Variants in ANGPT1 observed in about 807,000 individuals in gnomAD.
The protein encoded by ANGPT1 is angiopoietin-1.
Under a neutral mutation model 62.2 loss-of-function variants are expected in ANGPT1, and 17 were observed. The ratio of observed to expected loss-of-function variants is 0.27; its 90% confidence interval spans 0.19 to 0.41. The LOEUF (loss-of-function observed/expected upper bound fraction) is 0.41, where lower values mean the gene tolerates loss of function less well. Among genes scored for constraint, ANGPT1 ranks in the 10% least tolerant of loss-of-function variants. The pLI, the probability that ANGPT1 is intolerant of heterozygous loss-of-function variation, is 1.00. For synonymous variants in ANGPT1, 199 were observed against 198.9 expected (o/e 1.00, Z 0.00); for missense variants, 478 against 594.9 (o/e 0.80, Z 2.04).
intron 8 of ANGPT1, among the ~76,000 whole-genome samples, chr8:107,252,323 C>T (rs1034084361): frequency 6.6e-6 from 1 of 152,114 alleles, no homozygotes; most frequent in South Asian, 2.1e-4. Context: ...ATACAATCTA[C>T]ATAAGAGATG....
At chr8:107,433,557 T>C (rs943000799) in intron 1 of ANGPT1, among the ~76,000 whole-genome samples, 1 of 152,180 alleles carries the variant, frequency 6.6e-6, no homozygotes, top group African/African-American at 2.4e-5. Context: ...TGGGCAGCAT[T>C]TTCCTCATCT....
At chr8:107,310,067 TTTAAA>T (rs1336052706) in intron 4 of ANGPT1, among the ~76,000 whole-genome samples, 4 of 152,164 alleles carry the variant, frequency 2.6e-5, no homozygotes. Context: ...TTTGCTCTCA[TTTAAA>T]TTATTTATAT....
intron 1 of ANGPT1, among the ~76,000 whole-genome samples, chr8:107,410,046 C>A (rs2130353461): frequency 6.6e-6 from 1 of 152,246 alleles, no homozygotes; most frequent in African/African-American, 2.4e-5. Context: ...TTATGCCAGA[C>A]CCAGGGGGAA....
intron 1 of ANGPT1, among the ~76,000 whole-genome samples, chr8:107,495,864 C>T: frequency 6.6e-6 from 1 of 152,096 alleles, no homozygotes; most frequent in East Asian, 1.9e-4. Flanking sequence ...ATTCTTCTGC[C>T]TACCTACTGA....
At chr8:107,407,705 GGTTT>G (rs1284765036) in intron 1 of ANGPT1, among the ~76,000 whole-genome samples, 1 of 152,152 alleles carries the variant, frequency 6.6e-6, no homozygotes, top group African/African-American at 2.4e-5. Flanking sequence ...TTGATCACTT[GGTTT>G]GTTTTTCTTT....
chr8:107,488,081 GTACTC>G (rs1812860555), intron 1 of ANGPT1, among the ~76,000 whole-genome samples: 1 of 152,126 alleles, frequency 6.6e-6, no homozygotes, highest in African/African-American at 2.4e-5. Context: ...TTAACCAAGA[GTACTC>G]TATTATCTTA....
At chr8:107,304,542 T>C (rs530423410) in intron 4 of ANGPT1, among the ~76,000 whole-genome samples, 1 of 151,896 alleles carries the variant, frequency 6.6e-6, no homozygotes, top group East Asian at 1.9e-4. Context: ...TTTTAAATGA[T>C]CTAAAAATCT....
chr8:107,277,429 T>G (rs1173933362), intron 7 of ANGPT1, among the ~76,000 whole-genome samples: 14 of 152,170 alleles, frequency 9.2e-5, no homozygotes, highest in Non-Finnish European at 1.9e-4. Flanking sequence ...TTATTTATAA[T>G]AATATAACAC....
At chr8:107,342,493 A>G (rs1209227032) in intron 2 of ANGPT1, among the ~76,000 whole-genome samples, 1 of 152,120 alleles carries the variant, frequency 6.6e-6, no homozygotes, top group Admixed American at 6.6e-5. Flanking sequence ...TTGTGTAACA[A>G]TTTAGCTCCA....
At chr8:107,396,517 CTTTTTTT>C (rs10686360) in intron 1 of ANGPT1, among the ~76,000 whole-genome samples, 5 of 84,860 alleles carry the variant, frequency 5.9e-5, no homozygotes, top group South Asian at 5.1e-4. Flanking sequence ...TCTTTTCTCT[CTTTTTTT>C]TTTTTTTTTT....
At chr8:107,434,616 A>AAACTTCAAT (rs3036568) in intron 1 of ANGPT1, among the ~76,000 whole-genome samples, 60,415 of 151,440 alleles carry the variant, frequency 0.4, 12,318 homozygotes, top group Middle Eastern at 0.5. Flanking sequence ...AAAAAATACT[A>AAACTTCAAT]AACTTCAATA....
intron 1 of ANGPT1, among the ~76,000 whole-genome samples, chr8:107,429,703 T>C (rs1252562871): frequency 6.6e-6 from 1 of 151,210 alleles, no homozygotes. Flanking sequence ...AACTAGTTAG[T>C]TTTTGGATTG....
intron 2 of ANGPT1, among the ~76,000 whole-genome samples, chr8:107,341,757 A>G (rs1815700739): frequency 6.6e-6 from 1 of 151,942 alleles, no homozygotes. Flanking sequence ...CTGTGGGTAG[A>G]AATAACTCTC....
At chr8:107,387,530 G>A (rs1427431718) in intron 1 of ANGPT1, among the ~76,000 whole-genome samples, 1 of 151,894 alleles carries the variant, frequency 6.6e-6, no homozygotes, top group Non-Finnish European at 1.5e-5. Flanking sequence ...TATTACCAAT[G>A]GTACAATAGA....
At position 107,408,136 on chromosome 8, in the gene ANGPT1, C is replaced by T. The variant is rs191915952; in HGVS notation, c.298-61039G>A. Among the ~76,000 whole-genome samples, 577 of 152,260 alleles carry T rather than the reference C, an allele frequency of 3.8e-3. 4 individuals are homozygous for T. Among genetic ancestry groups the T allele is most frequent in the Non-Finnish European group, 6.4e-3 (432 of 68,022 alleles). Reference sequence around the variant, plus strand: ...TAGATATAGTCAAAATCCAGCTGTTCTCAGGGTTTATCCAGCATTAGTAAC... The same window carrying T: ...TAGATATAGTCAAAATCCAGCTGTTTTCAGGGTTTATCCAGCATTAGTAAC... On this transcript the variant is annotated intron_variant, in intron 1 of 8. Transcript: ENST00000517746.
intron 2 of ANGPT1, among the ~76,000 whole-genome samples, chr8:107,343,035 A>G (rs960030692): frequency 7.7e-6 from 1 of 130,308 alleles, no homozygotes; most frequent in Non-Finnish European, 1.6e-5. Context: ...GGATCTTGCT[A>G]TTTTGCCCAG....
At chr8:107,398,922 C>T (rs1382710402) in intron 1 of ANGPT1, among the ~76,000 whole-genome samples, 2 of 152,138 alleles carry the variant, frequency 1.3e-5, no homozygotes, top group African/African-American at 4.8e-5. Flanking sequence ...GGAGCTATTT[C>T]AGTGGCTGTA....
At chr8:107,357,952 G>A (rs964128709) in intron 1 of ANGPT1, among the ~76,000 whole-genome samples, 1 of 152,072 alleles carries the variant, frequency 6.6e-6, no homozygotes, top group East Asian at 1.9e-4. Flanking sequence ...TTTCATTTAT[G>A]CTACATCTTT....
At chr8:107,378,806 C>T (rs944315523) in intron 1 of ANGPT1, among the ~76,000 whole-genome samples, 4 of 152,124 alleles carry the variant, frequency 2.6e-5, no homozygotes, top group African/African-American at 9.7e-5. Flanking sequence ...TTGTAAGTTT[C>T]CCGAGGCCTC....
Sources: allele counts gnomAD v4.1 joint callset (sites outside exome capture counted in the v4.1 genomes callset), GRCh38; gene constraint gnomAD v4.1.1; transcripts MANE v1.5; gene names NCBI Gene and HGNC (gene_info 2026-07-23, HGNC 2026-07-21).